The following NRCAM variants were observed in gnomAD, a reference collection of about 807,000 sequenced individuals.
NRCAM encodes NgCAM-related cell adhesion molecule.
A neutral mutation model predicts 156.5 loss-of-function variants in NRCAM; 83 were observed. That is an observed-to-expected ratio of 0.53 (90% CI 0.44 to 0.64). The LOEUF is 0.64. Ranked by LOEUF, NRCAM falls within the 30% of genes least tolerant of loss-of-function variation. NRCAM has a pLI of 0.00. For synonymous variants in NRCAM, 538 were observed against 563.9 expected, an observed-to-expected ratio of 0.95 and a Z score of 0.65; for missense variants, 1,417 against 1,597.3, an observed-to-expected ratio of 0.89 and a Z score of 1.92.
chr7:108,182,561 T>G, intron 23 of NRCAM, 134 bp downstream of exon 23: 1 of 698,254 alleles, frequency 1.4e-6, no homozygotes, highest in Non-Finnish European at 2.5e-6. Context: ...CACAGCAGGC[T>G]GTTTAAATTC....
chr7:108,335,439 T>TTTTTTTTTTTTTTTTTTTTTC (rs2099171101), intron 2 of NRCAM, among the ~76,000 whole-genome samples: 1 of 132,178 alleles, frequency 7.6e-6, no homozygotes, highest in South Asian at 2.5e-4. Context: ...ACCTGCTTTT[T>TTTTTTTTTTTTTTTTTTTTTC]TTTTTTTTTT....
At chr7:108,276,559 T>C (rs528349823) in intron 3 of NRCAM, among the ~76,000 whole-genome samples, 1 of 151,268 alleles carries the variant, frequency 6.6e-6, no homozygotes, top group South Asian at 2.1e-4. Flanking sequence ...TTGTAACTCC[T>C]GCTTTTTTTT....
At chr7:108,376,689 G>C (rs961550155) in intron 2 of NRCAM, among the ~76,000 whole-genome samples, 1 of 152,146 alleles carries the variant, frequency 6.6e-6, no homozygotes, top group Non-Finnish European at 1.5e-5. Flanking sequence ...AAAGAAGAAT[G>C]CTAGGCAAGG....
At chr7:108,355,510 A>G (rs1294470524) in intron 2 of NRCAM, among the ~76,000 whole-genome samples, 2 of 152,238 alleles carry the variant, frequency 1.3e-5, no homozygotes, top group Non-Finnish European at 2.9e-5. Flanking sequence ...AAAATGATGT[A>G]TACAATAGTA....
intron 3 of NRCAM, among the ~76,000 whole-genome samples, chr7:108,270,079 A>G (rs1263290189): frequency 6.6e-6 from 1 of 152,230 alleles, no homozygotes; most frequent in East Asian, 1.9e-4. Flanking sequence ...AGCTTGGAAA[A>G]TAACAGCTTT....
intron 2 of NRCAM, among the ~76,000 whole-genome samples, chr7:108,361,502 G>T (rs1411239895): frequency 2.0e-5 from 3 of 152,184 alleles, no homozygotes; most frequent in Non-Finnish European, 4.4e-5. Context: ...CCCCAAGTTA[G>T]AATTCTTCCT....
chr7:108,429,892 T>C (rs997630879), intron 1 of NRCAM, among the ~76,000 whole-genome samples: 3 of 152,128 alleles, frequency 2.0e-5, no homozygotes, highest in Non-Finnish European at 4.4e-5. Flanking sequence ...AGGTGAAATT[T>C]AAATAGGGTC....
At chr7:108,185,843 T>C (rs1276042231) in intron 20 of NRCAM, among the ~76,000 whole-genome samples, 1 of 152,042 alleles carries the variant, frequency 6.6e-6, no homozygotes, top group Admixed American at 6.5e-5. Context: ...TAGAATCGTG[T>C]GTGCTGGATA....
At chr7:108,198,599 A>G (rs2076358454) in intron 13 of NRCAM, among the ~76,000 whole-genome samples, 1 of 152,190 alleles carries the variant, frequency 6.6e-6, no homozygotes, top group Admixed American at 6.5e-5. Context: ...AGGAGAAAAA[A>G]AGTTAACGAT....
intron 2 of NRCAM, among the ~76,000 whole-genome samples, chr7:108,333,948 C>G (rs933412247): frequency 2.6e-5 from 4 of 152,092 alleles, no homozygotes; most frequent in Non-Finnish European, 5.9e-5. Context: ...GTGTGTGTCT[C>G]TGTGTGTGTG....
chr7:108,164,414 T>C (rs1239019097), intron 30 of NRCAM, among the ~76,000 whole-genome samples: 4 of 152,030 alleles, frequency 2.6e-5, no homozygotes, highest in Admixed American at 6.5e-5. Flanking sequence ...TAACTATAGA[T>C]AAAGTTGAGT....
intron 3 of NRCAM, among the ~76,000 whole-genome samples, chr7:108,308,453 C>T (rs1399997928): frequency 6.6e-6 from 1 of 152,192 alleles, no homozygotes; most frequent in Non-Finnish European, 1.5e-5. Flanking sequence ...ATGCTAAGTG[C>T]TCTACATTTC....
chr7:108,420,039 CGTGTGTGTGTGT>C (rs35840496), intron 1 of NRCAM, among the ~76,000 whole-genome samples: 18 of 146,640 alleles, frequency 1.2e-4, no homozygotes, highest in Non-Finnish European at 2.7e-4. Flanking sequence ...TTAGTTCCAT[CGTGTGTGTGTGT>C]GTGTGTGTGT....
At chr7:108,383,485 G>A (rs2099711046) in intron 2 of NRCAM, among the ~76,000 whole-genome samples, 1 of 152,162 alleles carries the variant, frequency 6.6e-6, no homozygotes, top group Non-Finnish European at 1.5e-5. Context: ...TATAACTTAT[G>A]ACAAGGGCTT....
intron 2 of NRCAM, among the ~76,000 whole-genome samples, chr7:108,331,406 T>C (rs1364666858): frequency 6.7e-6 from 1 of 150,086 alleles, no homozygotes; most frequent in Non-Finnish European, 1.5e-5. Flanking sequence ...GTCTCTAAAC[T>C]TAAAAAAAAA....
intron 2 of NRCAM, among the ~76,000 whole-genome samples, chr7:108,387,234 T>C (rs1172424350): frequency 6.6e-6 from 1 of 152,170 alleles, no homozygotes; most frequent in East Asian, 1.9e-4. Flanking sequence ...TGGAATCCTG[T>C]CCAATTTCTC....
chr7:108,206,978 C>A (rs1299399082), intron 13 of NRCAM, among the ~76,000 whole-genome samples: 1 of 152,112 alleles, frequency 6.6e-6, no homozygotes, highest in Non-Finnish European at 1.5e-5. Context: ...GGTAAAGCAT[C>A]CTGCATACGA....
At chr7:108,307,721 A>C (rs1485809640) in intron 3 of NRCAM, among the ~76,000 whole-genome samples, 1 of 151,480 alleles carries the variant, frequency 6.6e-6, no homozygotes, top group East Asian at 1.9e-4. Flanking sequence ...GTATGCAGTC[A>C]GTTGTGACAG....
intron 2 of NRCAM, among the ~76,000 whole-genome samples, chr7:108,339,557 T>G (rs762526960): frequency 6.6e-6 from 1 of 152,152 alleles, no homozygotes; most frequent in African/African-American, 2.4e-5. Flanking sequence ...AAAGGCAATG[T>G]TGGGCATGCT....
Sources: gnomAD v4.1 joint callset for allele counts (sites outside exome capture counted in the v4.1 genomes callset) on GRCh38, gnomAD v4.1.1 for gene constraint, MANE v1.5 for transcripts, NCBI Gene and HGNC (gene_info 2026-07-23, HGNC 2026-07-21) for gene names.